The following PCBP3 variants were observed in gnomAD, a reference collection of about 807,000 sequenced individuals.
PCBP3 encodes poly(rC)-binding protein 3.
In PCBP3, 25 loss-of-function variants were observed where a neutral mutation model predicts 52.7. The ratio of observed to expected loss-of-function variants is 0.47; its 90% CI spans 0.35 to 0.66. The LOEUF is 0.66. Among genes scored for constraint, PCBP3 ranks in the 30% least tolerant of loss-of-function variants. The pLI, the probability that PCBP3 is intolerant of heterozygous loss-of-function variation, is 0.01. For missense variants in PCBP3, 391 were observed against 490.3 expected, an observed-to-expected ratio of 0.80 and a Z score of 1.91; for synonymous variants, 162 against 183.0, an observed-to-expected ratio of 0.89 and a Z score of 0.93.
chr21:45,661,219 C>G (rs912986745), intron 1 of PCBP3, among the ~76,000 whole-genome samples: 2 of 152,066 alleles, frequency 1.3e-5, no homozygotes, highest in Admixed American at 6.6e-5. Context: ...ATATTGCATG[C>G]TGGTGAAGTC....
intron 15 of PCBP3, among the ~76,000 whole-genome samples, chr21:45,931,113 G>T (rs1278380774): frequency 6.6e-6 from 1 of 152,236 alleles, no homozygotes; most frequent in African/African-American, 2.4e-5. Flanking sequence ...GTGTGCTTTG[G>T]AAATGGGTTT....
Position 45,941,722 on chromosome 21 carries a change from T to C in PCBP3, c.*16T>C. ...CACGCTGTAATCCTACCCAGCACCC[T>C]TCCCCCGCGTCACCCACCTGCCAGA... is the stretch of plus-strand genomic sequence containing the variant. On this transcript the variant is annotated 3_prime_UTR_variant, in exon 18 of 18. Coordinates refer to ENST00000681687, the MANE Select transcript of PCBP3 (RefSeq NM_001384156.1). 1.3e-6 allele frequency: 2 copies of C among 1,596,236 alleles called. No individual in the cohort carries two copies. Among genetic ancestry groups the C allele is most frequent in the Admixed American group, 1.7e-5 (1 of 57,768 alleles).
chr21:45,901,130 G>C lies in PCBP3; in HGVS notation c.339+17G>C. Reference sequence around the variant, plus strand: ...TTTGAGGAGGTAACCTGCACCCCAGGCACCTCTGCCAGCCTGGCGGGGGCA... The same window carrying C: ...TTTGAGGAGGTAACCTGCACCCCAGCCACCTCTGCCAGCCTGGCGGGGGCA... On this transcript the variant is annotated intron_variant, in intron 9 of 17. Coordinates refer to ENST00000681687, the MANE Select transcript of PCBP3 (RefSeq NM_001384156.1). 6.4e-7 allele frequency: 1 copy of C among 1,552,248 alleles called. No individual in the cohort carries two copies. The highest frequency in any genetic ancestry group is 8.9e-7 in the Non-Finnish European group (1 of 1,124,498).
chr21:45,844,231 G>C (rs571268253), intron 4 of PCBP3, among the ~76,000 whole-genome samples: 1 of 152,138 alleles, frequency 6.6e-6, no homozygotes, highest in African/African-American at 2.4e-5. Flanking sequence ...ACTGCATTAG[G>C]AAATGCTTTG....
intron 3 of PCBP3, among the ~76,000 whole-genome samples, chr21:45,738,490 G>A (rs1181335655): frequency 2.0e-5 from 3 of 152,100 alleles, no homozygotes; most frequent in Non-Finnish European, 2.9e-5. Flanking sequence ...TCCTGACCTC[G>A]TGATCCACAC....
Position 45,827,637 on chromosome 21 carries a change from T to A in PCBP3, c.-125-22324T>A, listed in dbSNP as rs749520599. On this transcript the variant is annotated intron_variant, in intron 4 of 17. Coordinates refer to ENST00000681687, the MANE Select transcript of PCBP3 (RefSeq NM_001384156.1). The surrounding 1 kb of genome is among the most constrained non-coding windows in gnomAD (Gnocchi z 4.3). ...AGTACAGCCACCAGAATTTAGAAAT[T>A]CACATTGTACACTGTGATGTATGCA... Among the ~76,000 whole-genome samples, 7 of 152,224 alleles carry A rather than the reference T, an allele frequency of 4.6e-5. No homozygotes were observed. The highest frequency in any genetic ancestry group is 8.8e-5 in the Non-Finnish European group (6 of 68,042).
At chr21:45,866,770 C>T (rs1346304774) in intron 5 of PCBP3, among the ~76,000 whole-genome samples, 1 of 152,156 alleles carries the variant, frequency 6.6e-6, no homozygotes, top group East Asian at 1.9e-4. Context: ...GAGGCTCCAG[C>T]ACCCCCTCCC....
chr21:45,889,411 A>T (rs775398845), intron 5 of PCBP3, among the ~76,000 whole-genome samples: 6 of 152,210 alleles, frequency 3.9e-5, no homozygotes, highest in South Asian at 2.1e-4. Context: ...GACCCAGCCC[A>T]GCTCTGAATG....
intron 4 of PCBP3, among the ~76,000 whole-genome samples, chr21:45,794,694 C>T (rs2091823338): frequency 6.6e-6 from 1 of 152,186 alleles, no homozygotes; most frequent in Non-Finnish European, 1.5e-5. Flanking sequence ...CTTTGGGAGG[C>T]CGAGGTGGGC....
At chr21:45,685,735 T>G (rs1455289356) in intron 2 of PCBP3, among the ~76,000 whole-genome samples, 1 of 152,078 alleles carries the variant, frequency 6.6e-6, no homozygotes, top group African/African-American at 2.4e-5. Context: ...TAGTTGGAGA[T>G]TGTGAAGAGG....
At chr21:45,872,464 C>T (rs953388492) in intron 5 of PCBP3, 2 of 152,276 alleles carry the variant, frequency 1.3e-5, no homozygotes, top group African/African-American at 4.8e-5. Context: ...AGATTTGGAA[C>T]CAGTGCTGTG....
At chr21:45,663,348 G>A (rs971859425) in intron 1 of PCBP3, among the ~76,000 whole-genome samples, 5 of 152,020 alleles carry the variant, frequency 3.3e-5, no homozygotes, top group East Asian at 1.9e-4. Context: ...TGGTGTCCGC[G>A]TCTTGGTGGT....
intron 4 of PCBP3, among the ~76,000 whole-genome samples, chr21:45,810,816 G>C (rs1569253506): frequency 1.3e-5 from 2 of 152,122 alleles, no homozygotes; most frequent in African/African-American, 4.8e-5. Flanking sequence ...GAAGGTATTT[G>C]ACAACAACTT....
chr21:45,664,605 ATT>A (rs562574244), intron 1 of PCBP3, among the ~76,000 whole-genome samples: 3 of 144,738 alleles, frequency 2.1e-5, no homozygotes, highest in African/African-American at 7.6e-5. Context: ...ATTTTTTTTA[ATT>A]TTTTTTTTCT....
chr21:45,936,581 A>C (rs2149569543), intron 16 of PCBP3, among the ~76,000 whole-genome samples: 1 of 152,274 alleles, frequency 6.6e-6, no homozygotes, highest in East Asian at 1.9e-4. Context: ...ATTTTTCCCC[A>C]ACCCTTTCCC....
intron 1 of PCBP3, among the ~76,000 whole-genome samples, chr21:45,668,583 G>A (rs2080959216): frequency 6.6e-6 from 1 of 151,800 alleles, no homozygotes; most frequent in Admixed American, 6.6e-5. Flanking sequence ...GGGGGTGGGG[G>A]GATGGGAATA....
chr21:45,939,456 C>T (rs990683673), intron 16 of PCBP3, among the ~76,000 whole-genome samples: 4 of 152,268 alleles, frequency 2.6e-5, no homozygotes, highest in African/African-American at 7.2e-5. Context: ...GGGGTCCCAA[C>T]AGGGGAATGA....
rs2079069814 is a variant in PCBP3 at position 45,643,767 on chromosome 21, T to G, written c.-380T>G. On this transcript the variant is annotated 5_prime_UTR_variant, in exon 1 of 18. Transcript: ENST00000681687. The stretch of plus-strand genomic sequence containing the variant: ...CGCGGTCGCCGCCGCTTCGGCTGAC[T>G]TAGGCTCCGCCGCCGCCTCCTCACC... The G allele has an allele frequency of 6.8e-6, 1 of 147,922 alleles. No individual in the cohort carries two copies. The highest frequency in any genetic ancestry group is 2.5e-5 in the African/African-American group (1 of 40,766). The allele number at this position is 147,922 out of a possible 1,614,324, so 9.2% of individuals were successfully genotyped here.
intron 4 of PCBP3, among the ~76,000 whole-genome samples, chr21:45,794,854 G>A (rs374186325): frequency 1.3e-5 from 2 of 151,916 alleles, no homozygotes; most frequent in East Asian, 3.9e-4. Context: ...GCGTGAACCC[G>A]GGAGGCGGAG....
Sources: gnomAD v4.1 joint callset for allele counts (sites outside exome capture counted in the v4.1 genomes callset) on GRCh38, gnomAD v4.1.1 for gene constraint, Gnocchi (gnomAD v3.1) non-coding constraint, MANE v1.5 for transcripts, NCBI Gene and HGNC (gene_info 2026-07-23, HGNC 2026-07-21) for gene names.